Variants in EIF2AK4 observed in about 807,000 individuals in gnomAD.
The protein encoded by EIF2AK4 is eIF-2-alpha kinase GCN2.
Under a neutral mutation model 211.1 loss-of-function variants are expected in EIF2AK4, and 139 were observed. The observed-to-expected ratio is 0.66, with a 90% CI of 0.57 to 0.76. The LOEUF is 0.76. EIF2AK4 is among the 30% of genes least tolerant of loss of function. EIF2AK4 has a pLI of 0.00. For missense variants in EIF2AK4, 1,664 were observed against 2,043.8 expected (o/e 0.81, Z 3.58); for synonymous variants, 710 against 751.3 (o/e 0.94, Z 0.90).
chr15:40,012,864 T>A (rs1299409774), intron 27 of EIF2AK4, among the ~76,000 whole-genome samples: 1 of 152,194 alleles, frequency 6.6e-6, no homozygotes, highest in African/African-American at 2.4e-5. Flanking sequence ...TTTGATTATT[T>A]TAAAATGGAC....
chr15:39,953,843 T>A (rs200714287), intron 4 of EIF2AK4, 61 bp from the exon 5 acceptor site: 64 of 1,513,904 alleles, frequency 4.2e-5, no homozygotes, highest in Non-Finnish European at 5.6e-5. Context: ...TGTAGTTCCA[T>A]AATTTATATG....
intron 13 of EIF2AK4, among the ~76,000 whole-genome samples, chr15:39,983,304 G>A (rs896547722): frequency 6.6e-6 from 1 of 152,198 alleles, no homozygotes. Context: ...GACCAGTGAC[G>A]ATGAGCTTTT....
At chr15:40,023,507 C>T (rs962771050) in intron 32 of EIF2AK4, among the ~76,000 whole-genome samples, 1 of 152,184 alleles carries the variant, frequency 6.6e-6, no homozygotes. Flanking sequence ...TTACCTCTTT[C>T]TTCTAGAGGC....
At position 40,030,413 on chromosome 15, in the gene EIF2AK4, C is replaced by A. The variant is rs200484118; in HGVS notation, c.4616C>A (p.Pro1539Gln). The change falls in exon 35 of 39, where the codon CCG becomes CAG. Residue 1539 changes from proline (P) to glutamine (Q), a missense_variant. This residue lies in a region of EIF2AK4 where 138 missense variants were observed against 165.1 expected (regional missense o/e 0.84). Transcript: ENST00000263791. ...TVVPIVSVLAPEKLSASTRRR... is the reference protein window; with the variant it reads ...TVVPIVSVLAQEKLSASTRRR... ...GTTCCCATTGTGAGTGTGCTAGCCC[C>A]GGAGAAGCTGTCAGCCAGCACTAGG... 6.2e-7 allele frequency: 1 copy of A among 1,613,886 alleles called. No homozygotes were observed. Among genetic ancestry groups the A allele is most frequent in the African/African-American group, 1.3e-5 (1 of 74,866 alleles).
chr15:39,936,927 A>G (rs915907706), intron 1 of EIF2AK4, among the ~76,000 whole-genome samples: 2 of 152,230 alleles, frequency 1.3e-5, no homozygotes, highest in East Asian at 3.8e-4. Flanking sequence ...ATTTGCTGCC[A>G]ATAAATTCAG....
chr15:39,947,438 A>G (rs2034244507), intron 3 of EIF2AK4, among the ~76,000 whole-genome samples: 1 of 152,218 alleles, frequency 6.6e-6, no homozygotes, highest in African/African-American at 2.4e-5. Flanking sequence ...GCTCTTTGTC[A>G]TGTAAAAATA....
chr15:39,951,476 C>A, intron 4 of EIF2AK4: 2 of 409,022 alleles, frequency 4.9e-6, no homozygotes, highest in Non-Finnish European at 9.6e-6. Flanking sequence ...TCAAAAAGGC[C>A]AACCAGATAG....
chr15:39,964,039 A>G (rs1033262480), intron 7 of EIF2AK4, among the ~76,000 whole-genome samples: 1 of 152,202 alleles, frequency 6.6e-6, no homozygotes, highest in Admixed American at 6.5e-5. Context: ...TTGGTTGACA[A>G]ATTTTTAAAC....
intron 2 of EIF2AK4, among the ~76,000 whole-genome samples, chr15:39,940,917 C>T (rs1490288223): frequency 6.6e-6 from 1 of 152,086 alleles, no homozygotes; most frequent in Non-Finnish European, 1.5e-5. Context: ...TCCACCACCC[C>T]CTCCTAAGTT....
intron 33 of EIF2AK4, among the ~76,000 whole-genome samples, chr15:40,028,830 C>T (rs2035500649): frequency 6.6e-6 from 1 of 152,224 alleles, no homozygotes; most frequent in Non-Finnish European, 1.5e-5. Context: ...TAAAAGGCTA[C>T]ATGGGATTTA....
At chr15:40,022,714 C>T in intron 32 of EIF2AK4, 109 bp downstream of exon 32, 3 of 848,754 alleles carry the variant, frequency 3.5e-6, no homozygotes, top group Non-Finnish European at 5.6e-6. Context: ...TCCGTTCCCT[C>T]TACTCTCCCT....
chr15:39,982,879 C>CT lies in EIF2AK4; in HGVS notation c.2320-2919dup, dbSNP rs570995426. ...TCCCTGCAAAGGACATGAACTTGTT[C>CT]TTTTTTTATGGCTGCATAGTATTCT... On this transcript the variant is annotated intron_variant, in intron 13 of 38. Coordinates refer to ENST00000263791, the MANE Select transcript of EIF2AK4 (RefSeq NM_001013703.4). Among the ~76,000 whole-genome samples the CT allele has an allele frequency of 1.6e-3, 238 of 152,260 alleles. 1 individual carries two copies. The highest frequency in any genetic ancestry group is 5.6e-3 in the African/African-American group (231 of 41,540).
At chr15:40,013,145 A>G (rs1326534196) in intron 27 of EIF2AK4, among the ~76,000 whole-genome samples, 1 of 152,194 alleles carries the variant, frequency 6.6e-6, no homozygotes. Context: ...TTTTAAATCG[A>G]ATACATGATT....
rs10550245 is a variant in EIF2AK4 at position 39,969,356 on chromosome 15, C to CTTTTT, written c.1553+1495_1553+1499dup. Among the ~76,000 whole-genome samples the CTTTTT allele has an allele frequency of 7.2e-4, 73 of 101,264 alleles. 1 individual carries two copies. Among genetic ancestry groups the CTTTTT allele is most frequent in the East Asian group, 1.4e-3 (5 of 3,584 alleles). The allele number at this position is 101,264 out of a possible 152,430, so 66.4% of individuals were successfully genotyped here. A position where few individuals can be genotyped will look rare whatever the true frequency, so the allele number is the denominator to read the frequency against. On this transcript the variant is annotated intron_variant, in intron 9 of 38. Coordinates refer to ENST00000263791, the MANE Select transcript of EIF2AK4 (RefSeq NM_001013703.4). ...CTTGAGATCAGCACAATTTCTTATT[C>CTTTTT]TTTTTTTTTTTTTTTTTTTTTTGAG...
rs538338771 is a variant in EIF2AK4 at position 39,936,921 on chromosome 15, G to A, written c.144+2582G>A. Among the ~76,000 whole-genome samples the A allele has an allele frequency of 8.5e-5, 13 of 152,214 alleles. 2 individuals are homozygous for A. The South Asian group carries it at 2.7e-3, about 32-fold the overall frequency. On this transcript the variant is annotated intron_variant, in intron 1 of 38. Transcript: ENST00000263791. ...CCTCATGTCAGTTCAGGCTAAATTT[G>A]CTGCCAATAAATTCAGGTTAGATTT...
At chr15:39,996,411 A>G (rs568961841) in intron 18 of EIF2AK4, among the ~76,000 whole-genome samples, 1 of 152,260 alleles carries the variant, frequency 6.6e-6, no homozygotes, top group East Asian at 1.9e-4. Flanking sequence ...GTTACCATTA[A>G]TTTTCTAGGA....
At chr15:39,977,020 G>A in intron 12 of EIF2AK4, 176 bp downstream of exon 12, 2 of 725,080 alleles carry the variant, frequency 2.8e-6, no homozygotes, top group Non-Finnish European at 3.9e-6. Flanking sequence ...GCGCGTCCTT[G>A]GCTGCAACAT....
intron 1 of EIF2AK4, among the ~76,000 whole-genome samples, chr15:39,938,022 T>C (rs1401885744): frequency 2.0e-5 from 3 of 152,264 alleles, no homozygotes; most frequent in Non-Finnish European, 4.4e-5. Context: ...AGATAGTTCT[T>C]CTTTGATAAC....
In EIF2AK4 at chr15:39,967,763, A is replaced by G; in HGVS notation, c.1437A>G (p.Gly479=). ...NALPYKTGKK[G]DVWRLGLLLL... Reference sequence around the variant, plus strand: ...TGCCTTATAAAACGGGGAAGAAAGGAGATGTTTGGCGTCTTGGCCTTCTGC... The same window carrying G: ...TGCCTTATAAAACGGGGAAGAAAGGGGATGTTTGGCGTCTTGGCCTTCTGC... Residue 479 remains glycine, a synonymous_variant, in exon 9 of 39, where the codon GGA becomes GGG. Transcript: ENST00000263791. The G allele has an allele frequency of 6.2e-7, 1 of 1,614,134 alleles. No individual in the cohort carries two copies. Among genetic ancestry groups the G allele is most frequent in the Non-Finnish European group, 8.5e-7 (1 of 1,180,024 alleles).
Sources: allele counts gnomAD v4.1 joint callset (sites outside exome capture counted in the v4.1 genomes callset), GRCh38; gene constraint gnomAD v4.1.1; regional missense constraint gnomAD v4.1.1; transcripts MANE v1.5; gene names NCBI Gene and HGNC (gene_info 2026-07-23, HGNC 2026-07-21).